The following KCND2 variants were observed in gnomAD, a reference collection of about 807,000 sequenced individuals.
The protein encoded by KCND2 is A-type voltage-gated potassium channel KCND2.
KCND2 carries 16 observed loss-of-function variants against 54.4 expected under a neutral mutation model. The observed-to-expected ratio is 0.29, with a 90% CI of 0.20 to 0.45. The LOEUF is 0.45. Among genes scored for constraint, KCND2 ranks in the 20% least tolerant of loss-of-function variants. The probability of loss-of-function intolerance (pLI) is 1.00; values close to 1 mark genes in which losing one functional copy is unlikely to be tolerated. For synonymous variants in KCND2, 317 were observed against 310.7 expected, an observed-to-expected ratio of 1.02 and a Z score of -0.21; for missense variants, 486 against 824.2, an observed-to-expected ratio of 0.59 and a Z score of 5.02.
At chr7:120,687,585 T>G (rs1792219643) in intron 1 of KCND2, among the ~76,000 whole-genome samples, 1 of 151,848 alleles carries the variant, frequency 6.6e-6, no homozygotes, top group African/African-American at 2.4e-5. Context: ...GGAGGCTGAG[T>G]TGAGTGGGTT....
intron 1 of KCND2, among the ~76,000 whole-genome samples, chr7:120,650,404 G>A (rs1395776427): frequency 2.6e-5 from 3 of 116,268 alleles, no homozygotes; most frequent in African/African-American, 1.8e-4. Context: ...TCAGTTGATC[G>A]AATCAGCTAC....
chr7:120,322,230 G>T (rs1031373079), intron 1 of KCND2, among the ~76,000 whole-genome samples: 1 of 151,938 alleles, frequency 6.6e-6, no homozygotes, highest in South Asian at 2.1e-4. Flanking sequence ...CTAGTTCATA[G>T]CACTTTTCTA....
chr7:120,388,828 C>T (rs958864722), intron 1 of KCND2, among the ~76,000 whole-genome samples: 1 of 151,050 alleles, frequency 6.6e-6, no homozygotes, highest in African/African-American at 2.4e-5. Flanking sequence ...ATATGTTATA[C>T]ATAATAACTG....
At chr7:120,551,842 C>T (rs1051039226) in intron 1 of KCND2, among the ~76,000 whole-genome samples, 2 of 152,108 alleles carry the variant, frequency 1.3e-5, no homozygotes, top group Non-Finnish European at 2.9e-5. Context: ...TGCTCAGGAA[C>T]TCAAGAAATG....
intron 1 of KCND2, among the ~76,000 whole-genome samples, chr7:120,626,778 G>A (rs1038023978): frequency 7.2e-5 from 11 of 152,112 alleles, no homozygotes; most frequent in Non-Finnish European, 1.5e-4. Flanking sequence ...TTAAAAATTA[G>A]ATTATAGTTT....
intron 1 of KCND2, among the ~76,000 whole-genome samples, chr7:120,339,325 GA>G (rs549862899): frequency 2.6e-5 from 4 of 151,520 alleles, no homozygotes; most frequent in Non-Finnish European, 5.9e-5. Flanking sequence ...AAAGCAATAT[GA>G]AAAAAAACAC....
chr7:120,478,164 T>C (rs913866797), intron 1 of KCND2, among the ~76,000 whole-genome samples: 2 of 152,196 alleles, frequency 1.3e-5, no homozygotes, highest in Non-Finnish European at 2.9e-5. Flanking sequence ...ATTTGATTTG[T>C]AATTACTCTG....
chr7:120,502,215 C>T (rs1353898783), intron 1 of KCND2, among the ~76,000 whole-genome samples: 2 of 151,558 alleles, frequency 1.3e-5, no homozygotes, highest in Admixed American at 1.3e-4. Flanking sequence ...TTTTTCCTTC[C>T]CAAGCTGGGT....
At chr7:120,286,259 A>C (rs185760448) in intron 1 of KCND2, among the ~76,000 whole-genome samples, 36 of 152,072 alleles carry the variant, frequency 2.4e-4, no homozygotes, top group Non-Finnish European at 3.2e-4. Flanking sequence ...ATGTGTACTC[A>C]AATCTGCATT....
At chr7:120,538,856 G>A (rs959712840) in intron 1 of KCND2, among the ~76,000 whole-genome samples, 2 of 152,142 alleles carry the variant, frequency 1.3e-5, no homozygotes, top group African/African-American at 2.4e-5. Context: ...GCTCCCAGGG[G>A]CTGTGGATAT....
intron 1 of KCND2, among the ~76,000 whole-genome samples, chr7:120,640,211 A>G (rs1793354373): frequency 6.6e-6 from 1 of 152,176 alleles, no homozygotes; most frequent in Admixed American, 6.6e-5. Flanking sequence ...TAAATATCCT[A>G]AATGAAATGT....
At chr7:120,550,698 G>A (rs1792095477) in intron 1 of KCND2, among the ~76,000 whole-genome samples, 2 of 152,060 alleles carry the variant, frequency 1.3e-5, no homozygotes, top group African/African-American at 4.8e-5. Flanking sequence ...GATAAAACAT[G>A]CCTTCATAGC....
chr7:120,392,720 C>A (rs1801096071), intron 1 of KCND2, among the ~76,000 whole-genome samples: 1 of 151,914 alleles, frequency 6.6e-6, no homozygotes, highest in Admixed American at 6.6e-5. Flanking sequence ...ACTGCTCCCC[C>A]AGAACTGCCA....
intron 1 of KCND2, among the ~76,000 whole-genome samples, chr7:120,392,916 C>A (rs1484672185): frequency 1.3e-5 from 2 of 151,976 alleles, no homozygotes; most frequent in Non-Finnish European, 2.9e-5. Flanking sequence ...ACTGTAGAGT[C>A]TAGCATTAAG....
chr7:120,508,614 A>T (rs1803063865), intron 1 of KCND2, among the ~76,000 whole-genome samples: 1 of 152,060 alleles, frequency 6.6e-6, no homozygotes, highest in Admixed American at 6.6e-5. Flanking sequence ...TCTAAAAGGA[A>T]GCCAAAGTCA....
chr7:120,332,286 T>G (rs1800080813), intron 1 of KCND2, among the ~76,000 whole-genome samples: 1 of 152,090 alleles, frequency 6.6e-6, no homozygotes, highest in Admixed American at 6.5e-5. Context: ...GGAATCATTT[T>G]AAAATGTTCA....
At chr7:120,322,283 T>C (rs1321944059) in intron 1 of KCND2, among the ~76,000 whole-genome samples, 2 of 152,082 alleles carry the variant, frequency 1.3e-5, no homozygotes, top group Non-Finnish European at 2.9e-5. Context: ...ATATAACATT[T>C]AGAAATATAA....
In KCND2 at chr7:120,534,693, A is replaced by G. The variant is rs74493806; in HGVS notation, c.1116-198210A>G. On this transcript the variant is annotated intron_variant, in intron 1 of 5. Coordinates refer to ENST00000331113, the MANE Select transcript of KCND2 (RefSeq NM_012281.3). ...TATAGTAATATAAGATGCTGGCAAT[A>G]GGCAAAACAGAGTGAGAGGTACATA... Among the ~76,000 whole-genome samples, 1,296 of 152,292 alleles carry G rather than the reference A, an allele frequency of 8.5e-3. 64 individuals are homozygous for G. The highest frequency in any genetic ancestry group is 0.072 in the Admixed American group (1,105 of 15,274).
intron 1 of KCND2, among the ~76,000 whole-genome samples, chr7:120,570,241 A>G (rs1166424880): frequency 6.6e-6 from 1 of 152,064 alleles, no homozygotes; most frequent in African/African-American, 2.4e-5. Context: ...GAAATAACAG[A>G]CCCTGGAGAC....
Sources: gnomAD v4.1 joint callset for allele counts (sites outside exome capture counted in the v4.1 genomes callset) on GRCh38, gnomAD v4.1.1 for gene constraint, MANE v1.5 for transcripts, NCBI Gene and HGNC (gene_info 2026-07-23, HGNC 2026-07-21) for gene names.